Variants in ENTREP2 observed in about 807,000 individuals in gnomAD.
ENTREP2 encodes endosomal transmembrane epsin interactor 2.
At chr15:29,162,384 T>A in the ENTREP2 span, among the ~76,000 whole-genome samples, 1 of 152,160 alleles carries the variant, frequency 6.6e-6, no homozygotes, top group Non-Finnish European at 1.5e-5. Flanking sequence ...CCCTTTCTTT[T>A]GCAGCTGGGA....
At chr15:29,310,679 G>A in the ENTREP2 span, among the ~76,000 whole-genome samples, 2 of 152,014 alleles carry the variant, frequency 1.3e-5, no homozygotes, top group African/African-American at 2.4e-5. Context: ...CAAGGTGCAT[G>A]GAAGCACACC....
the ENTREP2 span, among the ~76,000 whole-genome samples, chr15:29,285,795 C>T: frequency 1.0e-3 from 157 of 150,556 alleles, 1 homozygote; most frequent in Middle Eastern, 0.01. Flanking sequence ...CATGAATATA[C>T]GATAAAAAAA....
At chr15:29,658,817 C>A in the ENTREP2 span, among the ~76,000 whole-genome samples, 1 of 152,138 alleles carries the variant, frequency 6.6e-6, no homozygotes, top group African/African-American at 2.4e-5. Flanking sequence ...GCAATACTTG[C>A]CTGGGGTTTG....
At chr15:29,512,015 G>C in the ENTREP2 span, among the ~76,000 whole-genome samples, 1 of 151,534 alleles carries the variant, frequency 6.6e-6, no homozygotes, top group Non-Finnish European at 1.5e-5. Flanking sequence ...CAGGGCCGGT[G>C]CTTTGGCTCA....
At chr15:29,175,739 A>C in the ENTREP2 span, among the ~76,000 whole-genome samples, 23 of 152,178 alleles carry the variant, frequency 1.5e-4, no homozygotes, top group Admixed American at 1.5e-3. Context: ...TGAGTAGCTG[A>C]GATTACAGGT....
At chr15:29,577,349 T>TGTGTGTGTGTGTGTGTGTGTGAGA in the ENTREP2 span, among the ~76,000 whole-genome samples, 2 of 144,336 alleles carry the variant, frequency 1.4e-5, no homozygotes, top group African/African-American at 5.1e-5. Context: ...TGTGTGTGTG[T>TGTGTGTGTGTGTGTGTGTGTGAGA]GAGAGAGAGA....
the ENTREP2 span, among the ~76,000 whole-genome samples, chr15:29,670,328 G>A: frequency 2.0e-5 from 3 of 152,154 alleles, no homozygotes; most frequent in African/African-American, 7.2e-5. Context: ...GATGGCTCTG[G>A]GGCAGGACGC....
At chr15:29,157,686 A>G in the ENTREP2 span, among the ~76,000 whole-genome samples, 514 of 152,004 alleles carry the variant, frequency 3.4e-3, 4 homozygotes, top group African/African-American at 0.012. Context: ...TGTATTTTAT[A>G]TATCTCAGGA....
chr15:29,488,827 C>G, the ENTREP2 span, among the ~76,000 whole-genome samples: 2 of 152,080 alleles, frequency 1.3e-5, no homozygotes, highest in Admixed American at 6.5e-5. Context: ...TATGATACAT[C>G]CTACAAAAAT....
chr15:29,361,239 C>T, the ENTREP2 span, among the ~76,000 whole-genome samples: 14 of 152,288 alleles, frequency 9.2e-5, no homozygotes, highest in African/African-American at 3.1e-4. Flanking sequence ...ATGAAAAGAG[C>T]ATGCCCTCTG....
At chr15:29,253,056 A>AGAAGCTTTCT in the ENTREP2 span, among the ~76,000 whole-genome samples, 56 of 152,370 alleles carry the variant, frequency 3.7e-4, no homozygotes, top group Non-Finnish European at 5.6e-4. Context: ...AAAGGAATTG[A>AGAAGCTTTCT]GAAGCTTTCT....
At chr15:29,640,238 T>C in the ENTREP2 span, among the ~76,000 whole-genome samples, 1 of 152,144 alleles carries the variant, frequency 6.6e-6, no homozygotes, top group Non-Finnish European at 1.5e-5. Flanking sequence ...GACATCTGTA[T>C]GCCAACAAAT....
chr15:29,434,570 C>T, the ENTREP2 span, among the ~76,000 whole-genome samples: 2 of 152,190 alleles, frequency 1.3e-5, no homozygotes, highest in Non-Finnish European at 2.9e-5. Flanking sequence ...CACACAGACA[C>T]ATCCACATGG....
the ENTREP2 span, among the ~76,000 whole-genome samples, chr15:29,642,571 CTATATAT>C: frequency 6.9e-6 from 1 of 144,658 alleles, no homozygotes; most frequent in Admixed American, 6.9e-5. Context: ...ATACTATATA[CTATATAT>C]ATACTATATA....
chr15:29,266,232 G>A, the ENTREP2 span: 3 of 152,182 alleles, frequency 2.0e-5, no homozygotes, highest in African/African-American at 4.8e-5. Context: ...AGTTAATACC[G>A]TAATAAATTA....
chr15:29,407,902 C>T, the ENTREP2 span, among the ~76,000 whole-genome samples: 1 of 152,094 alleles, frequency 6.6e-6, no homozygotes, highest in Non-Finnish European at 1.5e-5. Context: ...TGGTCTCGAA[C>T]TCCTGACCTC....
chr15:29,642,454 A>T, the ENTREP2 span, among the ~76,000 whole-genome samples: 1 of 146,512 alleles, frequency 6.8e-6, no homozygotes, highest in Non-Finnish European at 1.5e-5. Context: ...ATATATATAC[A>T]CACACACATA....
At chr15:29,512,565 G>A in the ENTREP2 span, among the ~76,000 whole-genome samples, 3 of 152,194 alleles carry the variant, frequency 2.0e-5, no homozygotes, top group East Asian at 1.9e-4. Flanking sequence ...TGAGTGTGGA[G>A]GCCCCATGTT....
At chr15:29,549,754 T>A in the ENTREP2 span, among the ~76,000 whole-genome samples, 1 of 152,132 alleles carries the variant, frequency 6.6e-6, no homozygotes, top group Non-Finnish European at 1.5e-5. Flanking sequence ...TGATTAAATG[T>A]CTATAGCAGT....
Sources: gnomAD v4.1 joint callset for allele counts (sites outside exome capture counted in the v4.1 genomes callset) on GRCh38, gnomAD v4.1.1 for gene constraint, MANE v1.5 for transcripts, NCBI Gene and HGNC (gene_info 2026-07-23, HGNC 2026-07-21) for gene names.